NOS1: variants seen among roughly 807,000 people sequenced by gnomAD.
The protein encoded by NOS1 is nitric oxide synthase 1.
Under a neutral mutation model 164.5 loss-of-function variants are expected in NOS1, and 51 were observed. That is an observed-to-expected ratio of 0.31 (90% CI 0.25 to 0.39). The LOEUF (loss-of-function observed/expected upper bound fraction) is 0.39. Among genes scored for constraint, NOS1 ranks in the 10% least tolerant of loss-of-function variants. NOS1 has a pLI of 1.00. For missense variants in NOS1, 1,362 were observed against 1,885.6 expected (o/e 0.72, Z 5.14); for synonymous variants, 719 against 745.8 (o/e 0.96, Z 0.59).
intron 3 of NOS1, among the ~76,000 whole-genome samples, chr12:117,296,408 G>A (rs1429843832): frequency 6.6e-6 from 1 of 152,162 alleles, no homozygotes; most frequent in Non-Finnish European, 1.5e-5. Context: ...AATGTGGGTG[G>A]GCACAATCTA....
chr12:117,241,346 C>T (rs573929476), intron 20 of NOS1, among the ~76,000 whole-genome samples: 3 of 149,862 alleles, frequency 2.0e-5, no homozygotes, highest in African/African-American at 7.3e-5. Context: ...TGATTCTTTG[C>T]GCAGCATAGC....
intron 18 of NOS1, among the ~76,000 whole-genome samples, chr12:117,244,356 T>C (rs955426885): frequency 2.0e-5 from 3 of 152,204 alleles, no homozygotes; most frequent in African/African-American, 7.2e-5. Context: ...CAAGTTATTC[T>C]CATGCCTCAG....
intron 2 of NOS1, among the ~76,000 whole-genome samples, chr12:117,314,798 G>C (rs497373): frequency 0.38 from 57,772 of 151,950 alleles, 11,377 homozygotes; most frequent in Middle Eastern, 0.43. Context: ...GTAGAGATGG[G>C]GTTTCACCAT....
chr12:117,312,288 C>G (rs1254054491), intron 2 of NOS1, among the ~76,000 whole-genome samples: 5 of 152,230 alleles, frequency 3.3e-5, no homozygotes, highest in Non-Finnish European at 4.4e-5. Context: ...AGACTGATCT[C>G]TAACTCCTGG....
At chr12:117,284,497 T>C (rs1217022853) in intron 7 of NOS1, among the ~76,000 whole-genome samples, 2 of 152,172 alleles carry the variant, frequency 1.3e-5, no homozygotes, top group African/African-American at 4.8e-5. Context: ...TCCCATTGTA[T>C]CAGCAAGAGA....
intron 1 of NOS1, among the ~76,000 whole-genome samples, chr12:117,345,003 C>G (rs1030262034): frequency 4.1e-5 from 6 of 148,106 alleles, no homozygotes; most frequent in South Asian, 2.1e-4. Flanking sequence ...TTCTTGCTTG[C>G]TTGCTTGGTT....
rs1489073367 is a variant in NOS1 at position 117,292,528 on chromosome 12, T to C, written c.853-2102A>G. ...GTCACAGAGAACTGCGAAGGACTAATACTGAAGACTAACATTAAATGAGCA... is the reference window on the plus strand; with the variant it reads ...GTCACAGAGAACTGCGAAGGACTAACACTGAAGACTAACATTAAATGAGCA... On this transcript the variant is annotated intron_variant, in intron 3 of 28. Coordinates refer to ENST00000317775, the MANE Select transcript of NOS1 (RefSeq NM_000620.5). Among the ~76,000 whole-genome samples the C allele has an allele frequency of 2.0e-5, 3 of 152,196 alleles. No individual in the cohort carries two copies. In the East Asian group the frequency reaches 5.8e-4, roughly 29 times the overall value.
At position 117,283,693 on chromosome 12, in the gene NOS1, T is replaced by C. The variant is rs1313416960; in HGVS notation, c.1382+1548A>G. Among the ~76,000 whole-genome samples, 2 of 151,752 alleles carry C rather than the reference T, an allele frequency of 1.3e-5. 1 individual carries two copies. Among genetic ancestry groups the C allele is most frequent in the South Asian group, 4.2e-4 (2 of 4,790 alleles). On this transcript the variant is annotated intron_variant, in intron 7 of 28. Coordinates refer to ENST00000317775, the MANE Select transcript of NOS1 (RefSeq NM_000620.5). ...CAACATGGTGAAACCCTGTCTCTAC[T>C]AAAAATACAAAAATTAGCTGGGCAT...
rs546870175 is a variant in NOS1, at chr12:117,275,683, C to A, written c.1664+2276G>T. Among the ~76,000 whole-genome samples, 5 of 152,178 alleles carry A rather than the reference C, an allele frequency of 3.3e-5. No homozygotes were observed. The South Asian group carries it at 1.0e-3, about 32-fold the overall frequency. On this transcript the variant is annotated intron_variant, in intron 9 of 28. Transcript: ENST00000317775. ...CAATACAAAGGATAAGCGTTTGAGA[C>A]AATGGGTGTATTAATTATACTGATC...
In NOS1 at chr12:117,272,187, G is replaced by T. The variant is rs368532166; in HGVS notation, c.1839+198C>A. ...GCTGTTAGCACGTGCTATGTGCTAT[G>T]TGCGTGTTTGCTGTTATTTTCATTG... On this transcript the variant is annotated intron_variant, in intron 10 of 28. Coordinates refer to ENST00000317775, the MANE Select transcript of NOS1 (RefSeq NM_000620.5). This position sits in a 1 kb window ranked among gnomAD's most constrained non-coding sequence, Gnocchi z 4.3. Among the ~76,000 whole-genome samples, 6 of 152,294 alleles carry T rather than the reference G, an allele frequency of 3.9e-5. No homozygotes were observed. Among genetic ancestry groups the T allele is most frequent in the Non-Finnish European group, 1.5e-5 (1 of 68,018 alleles).
intron 26 of NOS1, among the ~76,000 whole-genome samples, chr12:117,221,003 C>A (rs7306863): frequency 0.033 from 5,064 of 152,144 alleles, 252 homozygotes; most frequent in East Asian, 0.18. Flanking sequence ...AGTGCCCCCC[C>A]AACCTGCCAC....
At chr12:117,292,568 A>G (rs1158727936) in intron 3 of NOS1, among the ~76,000 whole-genome samples, 1 of 152,220 alleles carries the variant, frequency 6.6e-6, no homozygotes, top group Non-Finnish European at 1.5e-5. Context: ...TTATGTGCCA[A>G]GCAACAACCT....
chr12:117,233,444 C>T (rs372033959), intron 21 of NOS1, among the ~76,000 whole-genome samples: 1 of 151,986 alleles, frequency 6.6e-6, no homozygotes, highest in African/African-American at 2.4e-5. Flanking sequence ...GTAATCTGCC[C>T]GCTTCAGCCT....
chr12:117,247,461 C>T lies in NOS1; in HGVS notation c.2710G>A (p.Val904Met). ...CCCAGTTCTTCCAGGAGGGTGTCCACAGCGTGTCCGAAGGCGCAAAAGTGA... is the reference window on the plus strand; with the variant it reads ...CCCAGTTCTTCCAGGAGGGTGTCCATAGCGTGTCCGAAGGCGCAAAAGTGA... ...YPHFCAFGHA[V>M]DTLLEELGGE... Residue 904 changes from valine (V) to methionine (M), a missense_variant, in exon 18 of 29, where the codon GTG becomes ATG. By Grantham distance (21) the Val-to-Met change is conservative. Transcript: ENST00000317775. The T allele has an allele frequency of 6.2e-7, 1 of 1,613,250 alleles. No homozygotes were observed. The highest frequency in any genetic ancestry group is 8.5e-7 in the Non-Finnish European group (1 of 1,179,774).
At chr12:117,309,597 T>C (rs1874329356) in intron 3 of NOS1, among the ~76,000 whole-genome samples, 1 of 152,176 alleles carries the variant, frequency 6.6e-6, no homozygotes, top group Non-Finnish European at 1.5e-5. Flanking sequence ...GGTTTGAAAT[T>C]CACACGATTC....
At chr12:117,237,209 G>A (rs3782196) in intron 20 of NOS1, among the ~76,000 whole-genome samples, 32,112 of 151,738 alleles carry the variant, frequency 0.21, 3,589 homozygotes, top group Middle Eastern at 0.35. Flanking sequence ...CCAGGCTGGA[G>A]TGCAGTCCAC....
intron 3 of NOS1, 113 bp downstream of exon 3, chr12:117,311,353 A>T: frequency 7.7e-7 from 1 of 1,291,754 alleles, no homozygotes; most frequent in Non-Finnish European, 1.0e-6. Context: ...ACGGCGGCTG[A>T]TTTCCATCAT....
At chr12:117,295,067 C>T (rs1330575184) in intron 3 of NOS1, among the ~76,000 whole-genome samples, 1 of 152,190 alleles carries the variant, frequency 6.6e-6, no homozygotes, top group Non-Finnish European at 1.5e-5. Context: ...TTTCCCCTCT[C>T]CTTTTCTCCC....
chr12:117,216,898 C>T (rs902220323), intron 28 of NOS1, among the ~76,000 whole-genome samples: 33 of 152,184 alleles, frequency 2.2e-4, no homozygotes, highest in African/African-American at 7.7e-4. Flanking sequence ...AAAGAAGATG[C>T]CAAATTCAAG....
Sources: gnomAD v4.1 joint callset for allele counts (sites outside exome capture counted in the v4.1 genomes callset) on GRCh38, gnomAD v4.1.1 for gene constraint, Gnocchi (gnomAD v3.1) non-coding constraint, MANE v1.5 for transcripts, NCBI Gene and HGNC (gene_info 2026-07-23, HGNC 2026-07-21) for gene names.